ITGAE: variants seen among roughly 807,000 people sequenced by gnomAD.
ITGAE encodes integrin subunit alpha E, also known as integrin alpha-E.
A neutral mutation model predicts 136.5 loss-of-function variants in ITGAE; 99 were observed. The ratio of observed to expected loss-of-function variants is 0.73; its 90% CI spans 0.62 to 0.86. The LOEUF (loss-of-function observed/expected upper bound fraction) is 0.86. Among genes scored for constraint, ITGAE ranks in the 40% least tolerant of loss-of-function variants. The pLI is 0.00. For synonymous variants in ITGAE, 613 were observed against 591.8 expected, an observed-to-expected ratio of 1.04 and a Z score of -0.52; for missense variants, 1,447 against 1,515.3, an observed-to-expected ratio of 0.95 and a Z score of 0.75.
chr17:3,800,069 A>G (rs891563774), intron 1 of ITGAE, among the ~76,000 whole-genome samples: 1 of 152,264 alleles, frequency 6.6e-6, no homozygotes, highest in East Asian at 1.9e-4. Flanking sequence ...TGGTGAGCCA[A>G]GATCCAGCCT....
At chr17:3,764,083 T>A (rs1454816041) in intron 2 of ITGAE, 123 bp from the exon 3 acceptor site, 1 of 660,388 alleles carries the variant, frequency 1.5e-6, no homozygotes, top group East Asian at 2.8e-5. Context: ...GCCGGCAGAT[T>A]CCTAGCCCAG....
At position 3,751,653 on chromosome 17, in the gene ITGAE, CG is replaced by C. The variant is rs1427009217; in HGVS notation, c.1889del (p.Ser630CysfsTer53). The C allele has an allele frequency of 1.2e-6, 2 of 1,613,404 alleles. No homozygotes were observed. Among genetic ancestry groups the C allele is most frequent in the Non-Finnish European group, 1.7e-6 (2 of 1,179,688 alleles). On this transcript the variant is annotated frameshift_variant, in exon 15 of 31. Transcript: ENST00000263087. LOFTEE classifies it high-confidence loss of function. ...AGGAGAGGGCCCCATGGGTCACCTGCGAGGGGCTGGCGGAGAGGCCGTCCCA... is the reference window on the plus strand; with the variant it reads ...AGGAGAGGGCCCCATGGGTCACCTGCAGGGGCTGGCGGAGAGGCCGTCCCA... ...GHWDGLSASP[S>X]QRIRASTVAP...
intron 8 of ITGAE, 32 bp downstream of exon 8, chr17:3,759,370 G>A: frequency 6.2e-7 from 1 of 1,603,936 alleles, no homozygotes; most frequent in South Asian, 1.1e-5. Context: ...TCTGGGCATG[G>A]CCAGAATAAT....
intron 24 of ITGAE, 26 bp downstream of exon 24, chr17:3,729,452 G>A (rs769143491): frequency 2.4e-5 from 36 of 1,479,770 alleles, no homozygotes; most frequent in East Asian, 4.5e-5. Flanking sequence ...GAGTCACACC[G>A]CTGCTGGCCT....
chr17:3,769,088 G>A (rs1016126917), intron 2 of ITGAE, among the ~76,000 whole-genome samples: 1 of 152,064 alleles, frequency 6.6e-6, no homozygotes, highest in Non-Finnish European at 1.5e-5. Context: ...CTCCTTCCCT[G>A]CTCCCCCAGG....
chr17:3,725,444 T>A, intron 26 of ITGAE: 1 of 1,614,198 alleles, frequency 6.2e-7, no homozygotes, highest in Non-Finnish European at 8.5e-7. Context: ...AAACAATTGC[T>A]GATCACACAC....
In ITGAE at chr17:3,752,627, A is replaced by G. The variant is rs937145483; in HGVS notation, c.1668+663T>C. On this transcript the variant is annotated intron_variant, in intron 14 of 30. Coordinates refer to ENST00000263087, the MANE Select transcript of ITGAE (RefSeq NM_002208.5). ...AAAAATTAGCCGGGTGTAGTGGCAC[A>G]TGCCTGTAATCCCAGCTACTTGGGA... Among the ~76,000 whole-genome samples, 7 of 152,038 alleles carry G rather than the reference A, an allele frequency of 4.6e-5. No individual in the cohort carries two copies. The South Asian group carries it at 1.5e-3, about 32-fold the overall frequency.
At chr17:3,756,834 C>T (rs1415032931) in intron 10 of ITGAE, 150 bp downstream of exon 10, 8 of 830,294 alleles carry the variant, frequency 9.6e-6, no homozygotes, top group African/African-American at 8.7e-5. Flanking sequence ...TGAGCCACCA[C>T]ACCCGGCCAT....
intron 20 of ITGAE, among the ~76,000 whole-genome samples, chr17:3,735,973 G>A (rs1031148802): frequency 4.6e-5 from 7 of 152,062 alleles, no homozygotes; most frequent in Non-Finnish European, 8.8e-5. Flanking sequence ...GTGAAACCCC[G>A]TCTCTACTAA....
chr17:3,727,115 CAA>C (rs34940884), intron 26 of ITGAE, among the ~76,000 whole-genome samples: 2 of 147,266 alleles, frequency 1.4e-5, no homozygotes, highest in African/African-American at 5.0e-5. Context: ...GTAGTCTGAG[CAA>C]AAAAAAAATG....
At chr17:3,786,148 CAG>C (rs1161087741) in intron 1 of ITGAE, among the ~76,000 whole-genome samples, 1 of 124,160 alleles carries the variant, frequency 8.1e-6, no homozygotes, top group African/African-American at 3.1e-5. Context: ...GCCTGGGTGA[CAG>C]AGAGAGACTC....
chr17:3,737,652 A>C (rs2051489099), intron 20 of ITGAE, among the ~76,000 whole-genome samples: 1 of 152,206 alleles, frequency 6.6e-6, no homozygotes, highest in Non-Finnish European at 1.5e-5. Context: ...GAATATTAAC[A>C]GCGTTGCCTA....
At chr17:3,755,318 G>T in intron 11 of ITGAE, 57 bp from the exon 12 acceptor site, 2 of 1,464,598 alleles carry the variant, frequency 1.4e-6, no homozygotes, top group Non-Finnish European at 1.8e-6. Flanking sequence ...GCCGGGCCAC[G>T]GTGGCCGCGG....
chr17:3,764,448 GC>G (rs2052245725), intron 2 of ITGAE, among the ~76,000 whole-genome samples: 1 of 152,226 alleles, frequency 6.6e-6, no homozygotes, highest in African/African-American at 2.4e-5. Context: ...TGTAATCCCA[GC>G]ACTTTGGGAG....
At chr17:3,796,693 C>A (rs1370154941) in intron 1 of ITGAE, among the ~76,000 whole-genome samples, 4 of 152,118 alleles carry the variant, frequency 2.6e-5, no homozygotes, top group Non-Finnish European at 5.9e-5. Flanking sequence ...CTGTCCCCAG[C>A]CACGGAGGCC....
intron 1 of ITGAE, among the ~76,000 whole-genome samples, chr17:3,792,402 C>T (rs1486219623): frequency 1.3e-5 from 2 of 152,228 alleles, no homozygotes; most frequent in East Asian, 3.8e-4. Context: ...CACGCGTGAG[C>T]CACCGCGCCC....
intron 26 of ITGAE, chr17:3,726,614 G>A: frequency 2.5e-6 from 1 of 394,158 alleles, no homozygotes; most frequent in Non-Finnish European, 4.5e-6. Context: ...GATCGCTTGA[G>A]CCCAAGAGTT....
chr17:3,757,997 G>A, intron 8 of ITGAE, 138 bp from the exon 9 acceptor site: 1 of 979,172 alleles, frequency 1.0e-6, no homozygotes, highest in Non-Finnish European at 1.5e-6. Context: ...AGGGGGTGAT[G>A]CCCCCTTAAG....
intron 20 of ITGAE, among the ~76,000 whole-genome samples, chr17:3,737,539 C>T (rs2051486652): frequency 6.6e-6 from 1 of 151,712 alleles, no homozygotes; most frequent in Non-Finnish European, 1.5e-5. Flanking sequence ...TGCGTTCAAT[C>T]GGGGACATGA....
Sources: gnomAD v4.1 joint callset for allele counts (sites outside exome capture counted in the v4.1 genomes callset) on GRCh38, gnomAD v4.1.1 for gene constraint, MANE v1.5 for transcripts, NCBI Gene and HGNC (gene_info 2026-07-23, HGNC 2026-07-21) for gene names.